The following JCAD variants were observed in gnomAD, a reference collection of about 807,000 sequenced individuals.
JCAD encodes the protein junctional cadherin 5-associated protein.
Under a neutral mutation model 98.0 loss-of-function variants are expected in JCAD, and 40 were observed. That is an observed-to-expected ratio of 0.41 (90% CI 0.32 to 0.53). The LOEUF (loss-of-function observed/expected upper bound fraction) is 0.53, where lower values mean the gene tolerates loss of function less well. Among genes scored for constraint, JCAD ranks in the 20% least tolerant of loss-of-function variants. The pLI, the probability that JCAD is intolerant of heterozygous loss-of-function variation, is 0.31. For missense variants in JCAD, 1,705 were observed against 1,738.1 expected (o/e 0.98, Z 0.34); for synonymous variants, 691 against 682.3 (o/e 1.01, Z -0.20).
At chr10:30,024,897 G>A (rs1162294053) in intron 3 of JCAD, among the ~76,000 whole-genome samples, 2 of 151,782 alleles carry the variant, frequency 1.3e-5, no homozygotes, top group South Asian at 2.1e-4. Context: ...GAGTTTCACC[G>A]GGTTAGCCAG....
At chr10:30,080,186 T>C (rs903112311) in intron 1 of JCAD, among the ~76,000 whole-genome samples, 4 of 152,210 alleles carry the variant, frequency 2.6e-5, no homozygotes, top group African/African-American at 7.2e-5. Flanking sequence ...ATTCTTATCT[T>C]AGAAGAACTA....
intron 1 of JCAD, among the ~76,000 whole-genome samples, chr10:30,058,415 C>G (rs1334441116): frequency 8.5e-5 from 13 of 152,216 alleles, no homozygotes; most frequent in Admixed American, 7.9e-4. Flanking sequence ...TGTGCCCAAG[C>G]TAATTCCCCC....
intron 1 of JCAD, among the ~76,000 whole-genome samples, chr10:30,097,656 A>G (rs1453618013): frequency 6.6e-6 from 1 of 152,064 alleles, no homozygotes; most frequent in Non-Finnish European, 1.5e-5. Flanking sequence ...TCGAGAGACT[A>G]AGACAGGAGA....
intron 3 of JCAD, among the ~76,000 whole-genome samples, chr10:30,019,383 A>G (rs572751364): frequency 1.2e-3 from 189 of 151,746 alleles, no homozygotes; most frequent in Middle Eastern, 6.8e-3. Context: ...AAAAAGAAAA[A>G]AAGAAATTGT....
At chr10:30,021,462 G>T (rs1359422018) in intron 3 of JCAD, among the ~76,000 whole-genome samples, 1 of 152,102 alleles carries the variant, frequency 6.6e-6, no homozygotes, top group Admixed American at 6.6e-5. Flanking sequence ...AAAGTACTGG[G>T]ATTACAATCA....
At chr10:30,107,633 TCTTTA>T (rs1838610248) in intron 1 of JCAD, among the ~76,000 whole-genome samples, 1 of 152,166 alleles carries the variant, frequency 6.6e-6, no homozygotes, top group African/African-American at 2.4e-5. Flanking sequence ...TTCTTTTGTT[TCTTTA>T]CTTCTTTAAT....
At chr10:30,079,949 C>T (rs1372841987) in intron 1 of JCAD, among the ~76,000 whole-genome samples, 1 of 151,974 alleles carries the variant, frequency 6.6e-6, no homozygotes, top group African/African-American at 2.4e-5. Flanking sequence ...TCAAACAACC[C>T]CTCTTCCCAC....
At chr10:30,018,929 G>A (rs1009984852) in intron 3 of JCAD, among the ~76,000 whole-genome samples, 5 of 152,210 alleles carry the variant, frequency 3.3e-5, no homozygotes, top group Non-Finnish European at 7.3e-5. Context: ...CCAAAGGAAA[G>A]GACATCAGTA....
intron 2 of JCAD, among the ~76,000 whole-genome samples, chr10:30,041,052 T>A (rs2132635493): frequency 6.6e-6 from 1 of 152,164 alleles, no homozygotes. Flanking sequence ...AGCCTGCACC[T>A]CCACACCACT....
intron 1 of JCAD, among the ~76,000 whole-genome samples, chr10:30,096,287 C>T (rs1317155763): frequency 1.3e-5 from 2 of 152,226 alleles, no homozygotes; most frequent in African/African-American, 2.4e-5. Context: ...TGGAGCTCAA[C>T]TCCTGCTGCA....
intron 1 of JCAD, among the ~76,000 whole-genome samples, chr10:30,106,632 C>T (rs550901504): frequency 6.6e-6 from 1 of 152,268 alleles, no homozygotes; most frequent in South Asian, 2.1e-4. Context: ...TCCTGAGTAG[C>T]TGGGGTTACA....
At chr10:30,038,261 C>T (rs954575852) in intron 2 of JCAD, among the ~76,000 whole-genome samples, 5 of 152,102 alleles carry the variant, frequency 3.3e-5, no homozygotes, top group African/African-American at 1.2e-4. Flanking sequence ...TGAAGGATGG[C>T]GCCAGCTTGG....
At chr10:30,054,868 A>G (rs1837537380) in intron 1 of JCAD, among the ~76,000 whole-genome samples, 1 of 151,820 alleles carries the variant, frequency 6.6e-6, no homozygotes, top group South Asian at 2.1e-4. Flanking sequence ...ACAGGGTTTC[A>G]CCGTGTTAGC....
Position 30,084,594 on chromosome 10 carries a change from G to C in JCAD, n.129-14773C>G, listed in dbSNP as rs529921346. On this transcript the variant is annotated intron_variant and non_coding_transcript_variant, in intron 1 of 2. Coordinates refer to the JCAD transcript ENST00000465712. ...TGCCTGACTGCCTTTGAACTGGGAA[G>C]CTGGCTTTTTTCCACCTTCAGACTC... Among the ~76,000 whole-genome samples, 3 of 152,302 alleles carry C rather than the reference G, an allele frequency of 2.0e-5. No homozygotes were observed. In the South Asian group the frequency reaches 6.2e-4, roughly 32 times the overall value.
At chr10:30,065,337 A>G (rs1386923672) in intron 2 of JCAD, among the ~76,000 whole-genome samples, 1 of 152,206 alleles carries the variant, frequency 6.6e-6, no homozygotes, top group Non-Finnish European at 1.5e-5. Flanking sequence ...GAATTTATCA[A>G]ATTATTACAT....
chr10:30,021,503 A>G (rs745827435), intron 3 of JCAD, among the ~76,000 whole-genome samples: 3 of 152,184 alleles, frequency 2.0e-5, no homozygotes, highest in Non-Finnish European at 2.9e-5. Flanking sequence ...TCATTATTTT[A>G]AATGTTCTAG....
chr10:30,058,543 A>T (rs1328702385), intron 1 of JCAD, among the ~76,000 whole-genome samples: 1 of 152,214 alleles, frequency 6.6e-6, no homozygotes, highest in Admixed American at 6.5e-5. Flanking sequence ...CAGCTTCTTT[A>T]CAAATGCCCA....
At chr10:30,077,963 G>A (rs1467732639) in intron 1 of JCAD, among the ~76,000 whole-genome samples, 2 of 152,140 alleles carry the variant, frequency 1.3e-5, no homozygotes, top group Non-Finnish European at 2.9e-5. Context: ...CCAATTCTAC[G>A]TTTAACTTTT....
At chr10:30,037,081 T>C (rs563099159) in intron 2 of JCAD, among the ~76,000 whole-genome samples, 2 of 152,222 alleles carry the variant, frequency 1.3e-5, no homozygotes, top group Admixed American at 6.5e-5. Flanking sequence ...TCTCCTCTGG[T>C]TGGCAGAAGG....
Sources: gnomAD v4.1 joint callset for allele counts (sites outside exome capture counted in the v4.1 genomes callset) on GRCh38, gnomAD v4.1.1 for gene constraint, MANE v1.5 for transcripts, NCBI Gene and HGNC (gene_info 2026-07-23, HGNC 2026-07-21) for gene names.